Variants in EHMT1 observed in about 807,000 individuals in gnomAD.
EHMT1 encodes the protein histone-lysine N-methyltransferase EHMT1.
Under a neutral mutation model 147.2 loss-of-function variants are expected in EHMT1, and 15 were observed. The observed-to-expected ratio is 0.10, with a 90% confidence interval of 0.07 to 0.16. EHMT1 has a LOEUF of 0.16. EHMT1 is among the 10% of genes least tolerant of loss of function. The probability of loss-of-function intolerance (pLI) is 1.00; values close to 1 mark genes in which losing one functional copy is unlikely to be tolerated. For synonymous variants in EHMT1, 795 were observed against 709.6 expected (o/e 1.12, Z -1.91); for missense variants, 1,587 against 1,772.4 (o/e 0.90, Z 1.88).
rs925966891 is a variant in EHMT1, at chr9:137,619,037, C to T, written c.9C>T (p.Ala3=). 7 of 965,602 alleles carry T rather than the reference C, an allele frequency of 7.2e-6. No homozygotes were observed. The highest frequency in any genetic ancestry group is 8.6e-6 in the Non-Finnish European group (7 of 814,018). The allele number at this position is 965,602 out of a possible 1,614,324, so 59.8% of individuals were successfully genotyped here. The change falls in exon 1 of 27, where the codon GCC becomes GCT. Residue 3 remains alanine (A), a synonymous_variant. Transcript: ENST00000460843. ...CGCTGCGGGCCCGGGCCATGGCCGC[C>T]GCCGATGCCGAGGTGAGCAGCGGGG... The part of the protein sequence containing the change: MA[A]ADAEAVPARG...
intron 25 of EHMT1, 70 bp downstream of exon 25, chr9:137,818,208 G>T: frequency 2.0e-6 from 3 of 1,533,438 alleles, no homozygotes; most frequent in Non-Finnish European, 2.7e-6. Flanking sequence ...GTTTGTCCCA[G>T]TAGGGCTGGG....
At chr9:137,779,600 G>T in intron 13 of EHMT1, 35 bp from the exon 14 acceptor site, 1 of 1,611,052 alleles carries the variant, frequency 6.2e-7, no homozygotes, top group Non-Finnish European at 8.5e-7. Context: ...GGGATGCAGA[G>T]CCCCATGCTG....
At chr9:137,801,529 C>T (rs894620726) in intron 18 of EHMT1, among the ~76,000 whole-genome samples, 1 of 152,134 alleles carries the variant, frequency 6.6e-6, no homozygotes, top group East Asian at 1.9e-4. Flanking sequence ...GACAGAGTCT[C>T]GCTCTGTCAC....
chr9:137,687,169 A>G (rs1942527633), intron 1 of EHMT1, among the ~76,000 whole-genome samples: 1 of 152,174 alleles, frequency 6.6e-6, no homozygotes, highest in Admixed American at 6.5e-5. Context: ...TCATAATTCA[A>G]TCCCATTGAT....
chr9:137,683,565 G>A (rs999168004), intron 1 of EHMT1, among the ~76,000 whole-genome samples: 1 of 152,186 alleles, frequency 6.6e-6, no homozygotes, highest in Non-Finnish European at 1.5e-5. Context: ...TGAGACTACA[G>A]GTGCACCATC....
chr9:137,819,672 C>T (rs947248661), intron 25 of EHMT1, among the ~76,000 whole-genome samples: 2 of 146,222 alleles, frequency 1.4e-5, no homozygotes, highest in Non-Finnish European at 3.0e-5. Flanking sequence ...CGCCGTGTGC[C>T]GAGACTGTAA....
chr9:137,781,053 C>T (rs1427244935), intron 14 of EHMT1, among the ~76,000 whole-genome samples: 11 of 128,672 alleles, frequency 8.5e-5, no homozygotes, highest in African/African-American at 1.6e-4. Flanking sequence ...GACGCCGAGA[C>T]GTGTGGTGAT....
intron 1 of EHMT1, among the ~76,000 whole-genome samples, chr9:137,701,710 C>A (rs1416589617): frequency 6.6e-6 from 1 of 151,184 alleles, no homozygotes; most frequent in Non-Finnish European, 1.5e-5. Context: ...TCACTGCAAC[C>A]TCCACCTCCC....
chr9:137,824,325 G>A (rs975153507), intron 25 of EHMT1, among the ~76,000 whole-genome samples: 4 of 152,152 alleles, frequency 2.6e-5, no homozygotes, highest in African/African-American at 7.2e-5. Context: ...GCTTATACCA[G>A]CTGATGGAGA....
chr9:137,746,512 C>T (rs1054474727), intron 6 of EHMT1: 1 of 152,220 alleles, frequency 6.6e-6, no homozygotes, highest in Non-Finnish European at 1.5e-5. Context: ...ATGATAAAAA[C>T]CTTTCTCACT....
At chr9:137,621,698 C>G (rs898808834) in intron 1 of EHMT1, among the ~76,000 whole-genome samples, 1 of 152,054 alleles carries the variant, frequency 6.6e-6, no homozygotes, top group East Asian at 1.9e-4. Context: ...AATGGGGCAT[C>G]TTAGGGTTTA....
Position 137,834,573 on chromosome 9 carries a change from T to G in EHMT1, c.3716+49T>G, listed in dbSNP as rs1316625513. Reference sequence around the variant, plus strand: ...CCATCTCCGCTGCCGGCGGGACGGTTTTAGGAACGGGGCTCGCATTGCTTT... The same window carrying G: ...CCATCTCCGCTGCCGGCGGGACGGTGTTAGGAACGGGGCTCGCATTGCTTT... On this transcript the variant is annotated intron_variant, in intron 26 of 26. Transcript: ENST00000460843. 2.5e-6 allele frequency: 4 copies of G among 1,606,130 alleles called. No homozygotes were observed. In the African/African-American group the frequency reaches 5.3e-5, roughly 21 times the overall value.
At position 137,776,968 on chromosome 9, in the gene EHMT1, T is replaced by C. The variant is rs1588650927; in HGVS notation, c.2018+124T>C. ...GTCTCTGAGCTGATGCTGATGCTTA[T>C]GGTGATTTCTGACATTTAAGACTCT... is the stretch of plus-strand genomic sequence containing the variant. On this transcript the variant is annotated intron_variant, in intron 12 of 26. Transcript: ENST00000460843. This position sits in a 1 kb window ranked among gnomAD's most constrained non-coding sequence, Gnocchi z 4.4. 4.6e-6 allele frequency: 4 copies of C among 871,244 alleles called. No homozygotes were observed. In the Admixed American group the frequency reaches 7.5e-5, roughly 16 times the overall value. The allele number at this position is 871,244 out of a possible 1,614,324, so 54.0% of individuals were successfully genotyped here.
At chr9:137,812,557 T>C (rs966611683) in intron 19 of EHMT1, among the ~76,000 whole-genome samples, 1 of 152,194 alleles carries the variant, frequency 6.6e-6, no homozygotes, top group Non-Finnish European at 1.5e-5. Context: ...CTCAGCCAGG[T>C]TGGTCATCTG....
intron 1 of EHMT1, among the ~76,000 whole-genome samples, chr9:137,646,134 A>G (rs1023315288): frequency 2.6e-5 from 4 of 151,922 alleles, no homozygotes; most frequent in Non-Finnish European, 4.4e-5. Flanking sequence ...AACTTTTTGT[A>G]TTTTAAATAG....
rs150615099 is a variant in EHMT1, at chr9:137,729,969, C to T, written c.823+1440C>T. The stretch of plus-strand genomic sequence containing the variant: ...CAAATAAAATCTGGTTCTAGAGCTT[C>T]GAGCACCTAGTTGTTGTGTCTTGCT... On this transcript the variant is annotated intron_variant, in intron 4 of 26. Coordinates refer to ENST00000460843, the MANE Select transcript of EHMT1 (RefSeq NM_024757.5). 3.2e-3 allele frequency among the ~76,000 whole-genome samples: 482 copies of T among 152,308 alleles called. 3 individuals carry two copies. Among genetic ancestry groups the T allele is most frequent in the Non-Finnish European group, 5.0e-3 (340 of 68,026 alleles).
At chr9:137,799,429 A>C (rs1953260327) in intron 17 of EHMT1, among the ~76,000 whole-genome samples, 1 of 152,116 alleles carries the variant, frequency 6.6e-6, no homozygotes, top group South Asian at 2.1e-4. Flanking sequence ...AGCCAGCGCC[A>C]CGGGGCAGGG....
At position 137,834,887 on chromosome 9, in the gene EHMT1, G is replaced by A. The variant is rs766492909; in HGVS notation, c.3831G>A (p.Ala1277=). The change falls in exon 27 of 27, where the codon GCG becomes GCA. Residue 1277 remains alanine, a synonymous_variant. Coordinates refer to ENST00000460843, the MANE Select transcript of EHMT1 (RefSeq NM_024757.5). ...CCCTGGCCCAGCGTCAGGCCAGCGC[G>A]GCCCAGGAGGCCCAGGAGGACGGCT... ...SAALAQRQAS[A]AQEAQEDGLP... is the part of the protein sequence containing the mutation. The A allele has an allele frequency of 1.9e-6, 3 of 1,603,896 alleles. No homozygotes were observed. The highest frequency in any genetic ancestry group is 1.3e-5 in the African/African-American group (1 of 74,736).
At position 137,781,237 on chromosome 9, in the gene EHMT1, C is replaced by T. The variant is rs77076073; in HGVS notation, c.2276-1054C>T. On this transcript the variant is annotated intron_variant, in intron 14 of 26. Transcript: ENST00000460843. The stretch of plus-strand genomic sequence containing the variant: ...GTGACGACGCTGGGACGTGTGGTGA[C>T]GACGCTGGGACGTGTGGTGACGACG... Among the ~76,000 whole-genome samples the T allele has an allele frequency of 2.3e-3, 122 of 52,774 alleles. 6 individuals are homozygous for T. Among genetic ancestry groups the T allele is most frequent in the African/African-American group, 3.2e-3 (11 of 3,430 alleles). The allele number at this position is 52,774 out of a possible 152,430, so 34.6% of individuals were successfully genotyped here. A position where few individuals can be genotyped will look rare whatever the true frequency, so the allele number is the denominator to read the frequency against.
Sources: allele counts gnomAD v4.1 joint callset (sites outside exome capture counted in the v4.1 genomes callset), GRCh38; gene constraint gnomAD v4.1.1; non-coding constraint Gnocchi (gnomAD v3.1); transcripts MANE v1.5; gene names NCBI Gene and HGNC (gene_info 2026-07-23, HGNC 2026-07-21).